Variants in ALPK2 observed in about 807,000 individuals in gnomAD.
ALPK2 encodes alpha-protein kinase 2.
In ALPK2, 127 loss-of-function variants were observed where a neutral mutation model predicts 163.1. The ratio of observed to expected loss-of-function variants is 0.78; its 90% confidence interval spans 0.67 to 0.90. The LOEUF is 0.90. Among genes scored for constraint, ALPK2 ranks in the 40% least tolerant of loss-of-function variants. The pLI, the probability that ALPK2 is intolerant of heterozygous loss-of-function variation, is 0.00. For synonymous variants in ALPK2, 953 were observed against 959.1 expected (o/e 0.99, Z 0.12); for missense variants, 2,360 against 2,589.6 (o/e 0.91, Z 1.92).
Position 58,535,956 on chromosome 18 carries a change from C to A in ALPK2, c.4231G>T (p.Val1411Leu). 6.2e-7 allele frequency: 1 copy of A among 1,614,198 alleles called. No homozygotes were observed. The highest frequency in any genetic ancestry group is 8.5e-7 in the Non-Finnish European group (1 of 1,180,032). ...TTTCCAGCCCTGGTGTACTCTATCA[C>A]ACTTATCTCATCAATGGGATCTACA... ...SSVDPIDEIS[V>L]IEYTRAGKPE... The change falls in exon 5 of 13, where the codon GTG (valine) becomes TTG (leucine). Residue 1411 changes from valine (V) to leucine (L), a missense_variant. Coordinates refer to ENST00000361673, the MANE Select transcript of ALPK2 (RefSeq NM_052947.4).
At chr18:58,598,816 A>G (rs1427545765) in intron 3 of ALPK2, among the ~76,000 whole-genome samples, 1 of 152,144 alleles carries the variant, frequency 6.6e-6, no homozygotes, top group Non-Finnish European at 1.5e-5. Flanking sequence ...ATCTTTCCAG[A>G]TGTGTCTGCC....
chr18:58,620,325 A>T (rs1376974832), intron 1 of ALPK2, among the ~76,000 whole-genome samples: 1 of 152,242 alleles, frequency 6.6e-6, no homozygotes, highest in Non-Finnish European at 1.5e-5. Context: ...AACTATGGAT[A>T]CATGGTATGA....
chr18:58,572,543 T>C (rs2144189149), intron 4 of ALPK2, among the ~76,000 whole-genome samples: 1 of 152,026 alleles, frequency 6.6e-6, no homozygotes, highest in Middle Eastern at 3.4e-3. Context: ...TACTCAGCAA[T>C]AAGAAGGAAT....
At chr18:58,501,439 T>C (rs2051430909) in intron 11 of ALPK2, among the ~76,000 whole-genome samples, 1 of 152,252 alleles carries the variant, frequency 6.6e-6, no homozygotes, top group Non-Finnish European at 1.5e-5. Context: ...GAAGTCTGAC[T>C]TAAATTTGCA....
chr18:58,545,031 T>C (rs1003084735), intron 4 of ALPK2: 17 of 152,222 alleles, frequency 1.1e-4, no homozygotes, highest in African/African-American at 4.1e-4. Context: ...ATCCCCTCCT[T>C]CTTCCTTCAA....
chr18:58,588,353 C>T (rs569282865), intron 3 of ALPK2, among the ~76,000 whole-genome samples: 1 of 152,186 alleles, frequency 6.6e-6, no homozygotes, highest in Non-Finnish European at 1.5e-5. Context: ...CCCTTCATTA[C>T]TTTTTATCAT....
rs747160234 is a variant in ALPK2 at position 58,536,774 on chromosome 18, T to G, written c.3413A>C (p.Gln1138Pro). ...ERGSETKQGV[Q>P]QQSLSQQGSL... Reference sequence around the variant, plus strand: ...ACCCTGCTGGGACAGGCTCTGCTGCTGGACCCCCTGCTTTGTTTCACTTCC... The same window carrying G: ...ACCCTGCTGGGACAGGCTCTGCTGCGGGACCCCCTGCTTTGTTTCACTTCC... Residue 1138 changes from glutamine (Q) to proline (P), a missense_variant, in exon 5 of 13, where the codon CAG becomes CCG. Coordinates refer to ENST00000361673, the MANE Select transcript of ALPK2 (RefSeq NM_052947.4). The G allele has an allele frequency of 3.1e-6, 5 of 1,614,128 alleles. No homozygotes were observed. In the East Asian group the frequency reaches 1.1e-4, roughly 36 times the overall value.
At chr18:58,507,798 G>A (rs1356451006) in intron 10 of ALPK2, among the ~76,000 whole-genome samples, 1 of 152,180 alleles carries the variant, frequency 6.6e-6, no homozygotes, top group East Asian at 1.9e-4. Context: ...AACTTTGGGA[G>A]GAATTTAGTT....
chr18:58,576,138 C>T (rs2051920697), intron 4 of ALPK2, among the ~76,000 whole-genome samples: 1 of 152,142 alleles, frequency 6.6e-6, no homozygotes, highest in African/African-American at 2.4e-5. Flanking sequence ...CTTTGGGAGG[C>T]TGAGGTGGGT....
intron 8 of ALPK2, among the ~76,000 whole-genome samples, chr18:58,519,334 C>A (rs907356309): frequency 2.0e-5 from 3 of 152,148 alleles, no homozygotes; most frequent in Admixed American, 2.0e-4. Context: ...AACAATTTGG[C>A]CTCTAATACC....
chr18:58,521,484 A>G (rs1456418382), intron 8 of ALPK2, among the ~76,000 whole-genome samples: 1 of 152,074 alleles, frequency 6.6e-6, no homozygotes, highest in Non-Finnish European at 1.5e-5. Context: ...AAGGATTTTA[A>G]ATTATAACAC....
At chr18:58,523,718 A>G in intron 8 of ALPK2, 88 bp downstream of exon 8, 1 of 1,537,450 alleles carries the variant, frequency 6.5e-7, no homozygotes, top group African/African-American at 1.4e-5. Flanking sequence ...AGTCCAGAGG[A>G]TTACTGCTTC....
chr18:58,490,493 G>C (rs2051368289), intron 12 of ALPK2, among the ~76,000 whole-genome samples: 1 of 151,946 alleles, frequency 6.6e-6, no homozygotes, highest in African/African-American at 2.4e-5. Context: ...CCTCCCCTTG[G>C]TTCCTGGCAC....
chr18:58,583,205 A>G (rs967128220), intron 3 of ALPK2, among the ~76,000 whole-genome samples: 2 of 152,144 alleles, frequency 1.3e-5, no homozygotes, highest in African/African-American at 2.4e-5. Flanking sequence ...GTGATGCTAT[A>G]CCAGAATCAG....
chr18:58,575,334 G>T (rs1212056870), intron 4 of ALPK2, among the ~76,000 whole-genome samples: 1 of 152,148 alleles, frequency 6.6e-6, no homozygotes, highest in African/African-American at 2.4e-5. Context: ...CTACTCTAGG[G>T]ACTTGGGTTA....
intron 4 of ALPK2, 76 bp downstream of exon 4, chr18:58,578,738 A>ACGCGCGCGCGCGCGCGCGTG (rs1555673992): frequency 2.2e-6 from 2 of 888,956 alleles, no homozygotes; most frequent in African/African-American, 3.3e-5. Context: ...GAAGAGACAC[A>ACGCGCGCGCGCGCGCGCGTG]CACACACACA....
In ALPK2 at chr18:58,537,455, A is replaced by G; in HGVS notation, c.2732T>C (p.Leu911Pro). ...GTAGGTGGAATTCTCCACCTTGGCTAGATTTTCTCCTGTGGCACCTTCACT... is the reference window on the plus strand; with the variant it reads ...GTAGGTGGAATTCTCCACCTTGGCTGGATTTTCTCCTGTGGCACCTTCACT... ...TASEGATGEN[L>P]AKVENSTYPL... Residue 911 changes from leucine to proline, a missense_variant, in exon 5 of 13, where the codon CTA becomes CCA. Physicochemically the swap from Leu to Pro is moderately conservative, Grantham distance 98. Transcript: ENST00000361673. 6.2e-7 allele frequency: 1 copy of G among 1,612,402 alleles called. No individual in the cohort carries two copies. The highest frequency in any genetic ancestry group is 1.7e-4 in the Middle Eastern group (1 of 6,048).
chr18:58,547,307 C>T (rs531591539), intron 4 of ALPK2, among the ~76,000 whole-genome samples: 3 of 152,292 alleles, frequency 2.0e-5, no homozygotes, highest in South Asian at 4.1e-4. Context: ...TACAGCATGT[C>T]ACCATGTCAC....
chr18:58,519,278 G>A (rs1286500538), intron 8 of ALPK2, among the ~76,000 whole-genome samples: 2 of 152,270 alleles, frequency 1.3e-5, no homozygotes, highest in African/African-American at 2.4e-5. Flanking sequence ...ATGCTTTTCT[G>A]TATCCCAAAC....
Sources: allele counts gnomAD v4.1 joint callset (sites outside exome capture counted in the v4.1 genomes callset), GRCh38; gene constraint gnomAD v4.1.1; transcripts MANE v1.5; gene names NCBI Gene and HGNC (gene_info 2026-07-23, HGNC 2026-07-21).